The following XKR9 variants were observed in gnomAD, a reference collection of about 807,000 sequenced individuals.
XKR9 encodes XK related 9, also known as XK-related protein 9.
In XKR9, 32 loss-of-function variants were observed where a neutral mutation model predicts 32.0. The observed-to-expected ratio is 1.00, with a 90% CI of 0.76 to 1.34. XKR9 has a LOEUF of 1.34. Ranked by LOEUF, XKR9 falls within the 40% of genes most tolerant of loss-of-function variation. The pLI is 0.00. For missense variants in XKR9, 546 were observed against 429.7 expected (o/e 1.27, Z -2.39); for synonymous variants, 168 against 143.4 (o/e 1.17, Z -1.22).
the XKR9 span, among the ~76,000 whole-genome samples, chr8:70,967,753 A>G: frequency 3.6e-4 from 55 of 152,092 alleles, no homozygotes; most frequent in African/African-American, 1.3e-3. Context: ...AAGAATGTTG[A>G]ATATTGGCTC....
chr8:70,704,648 T>C (rs940629158), intron 3 of XKR9, among the ~76,000 whole-genome samples: 1 of 152,176 alleles, frequency 6.6e-6, no homozygotes, highest in Non-Finnish European at 1.5e-5. Context: ...CTGCTACCTC[T>C]CTCAATTTCT....
the XKR9 span, among the ~76,000 whole-genome samples, chr8:70,926,523 A>G: frequency 6.6e-6 from 1 of 152,236 alleles, no homozygotes; most frequent in African/African-American, 2.4e-5. Context: ...TTATGATGCT[A>G]TAAAAGGATA....
the XKR9 span, among the ~76,000 whole-genome samples, chr8:70,995,918 C>A: frequency 6.6e-6 from 1 of 152,188 alleles, no homozygotes; most frequent in African/African-American, 2.4e-5. Flanking sequence ...TCTCACTATG[C>A]CAGCCCTCAA....
chr8:70,842,170 TTC>T, the XKR9 span, among the ~76,000 whole-genome samples: 1 of 152,170 alleles, frequency 6.6e-6, no homozygotes, highest in Non-Finnish European at 1.5e-5. Flanking sequence ...ACTCATGGAT[TTC>T]TGTTTTATTT....
intron 2 of XKR9, among the ~76,000 whole-genome samples, chr8:70,747,450 G>C (rs761838130): frequency 1.3e-5 from 2 of 152,162 alleles, no homozygotes; most frequent in Non-Finnish European, 2.9e-5. Flanking sequence ...GAGTGGTACT[G>C]GTGGCTTTTT....
the XKR9 span, among the ~76,000 whole-genome samples, chr8:70,982,668 T>A: frequency 6.6e-6 from 1 of 152,180 alleles, no homozygotes; most frequent in Non-Finnish European, 1.5e-5. Context: ...TCAGGAAGCC[T>A]GCAGTGGTGA....
At chr8:70,845,945 A>G in the XKR9 span, among the ~76,000 whole-genome samples, 3 of 152,218 alleles carry the variant, frequency 2.0e-5, no homozygotes, top group East Asian at 5.8e-4. Flanking sequence ...AATTATAAGA[A>G]GCTTACAGAT....
chr8:70,774,430 A>G (rs956176743), intron 2 of XKR9, among the ~76,000 whole-genome samples: 1 of 152,122 alleles, frequency 6.6e-6, no homozygotes, highest in Non-Finnish European at 1.5e-5. Context: ...GGGACTAGCC[A>G]CTGCACCTCG....
At chr8:70,711,815 A>G (rs1187924258) in intron 4 of XKR9, among the ~76,000 whole-genome samples, 1 of 84,078 alleles carries the variant, frequency 1.2e-5, no homozygotes, top group Non-Finnish European at 3.1e-5. Context: ...AACAATAGAC[A>G]TCAGGGCTTA....
At chr8:70,778,977 A>G (rs947348282) in intron 2 of XKR9, among the ~76,000 whole-genome samples, 2 of 152,156 alleles carry the variant, frequency 1.3e-5, no homozygotes, top group African/African-American at 4.8e-5. Flanking sequence ...CAGAACTTCC[A>G]ACACTATGTT....
At chr8:70,750,311 C>G (rs1807120916) in intron 2 of XKR9, among the ~76,000 whole-genome samples, 1 of 152,150 alleles carries the variant, frequency 6.6e-6, no homozygotes, top group Non-Finnish European at 1.5e-5. Flanking sequence ...GTTACTTTTT[C>G]TGAGCTCCTA....
At chr8:71,016,296 C>A in the XKR9 span, among the ~76,000 whole-genome samples, 11 of 152,014 alleles carry the variant, frequency 7.2e-5, no homozygotes, top group Non-Finnish European at 1.5e-5. Context: ...TCAATCAATG[C>A]AAGCAATGGC....
At chr8:70,993,601 T>TACTTCCTTCCTTCCTTC in the XKR9 span, among the ~76,000 whole-genome samples, 1 of 105,124 alleles carries the variant, frequency 9.5e-6, no homozygotes, top group African/African-American at 3.2e-5. Context: ...TCATAGGACA[T>TACTTCCTTCCTTCCTTC]CTTCCTTCCT....
intron 2 of XKR9, among the ~76,000 whole-genome samples, chr8:70,751,493 T>C (rs903934367): frequency 6.6e-6 from 1 of 152,140 alleles, no homozygotes; most frequent in Admixed American, 6.5e-5. Context: ...TAAAGCATTA[T>C]TTCTGGGTGT....
intron 2 of XKR9, among the ~76,000 whole-genome samples, chr8:70,786,961 A>G (rs1439197261): frequency 1.3e-5 from 2 of 152,096 alleles, no homozygotes; most frequent in Non-Finnish European, 2.9e-5. Context: ...TGTGGTTACC[A>G]AAATGTGTTT....
chr8:70,993,918 C>T, the XKR9 span, among the ~76,000 whole-genome samples: 1 of 152,096 alleles, frequency 6.6e-6, no homozygotes, highest in Non-Finnish European at 1.5e-5. Context: ...AAAAAGATGG[C>T]TTTTCCAAGC....
At chr8:70,814,620 A>G in the XKR9 span, among the ~76,000 whole-genome samples, 25 of 152,314 alleles carry the variant, frequency 1.6e-4, no homozygotes, top group Non-Finnish European at 1.9e-4. Context: ...CATATATGAC[A>G]AAACCATTGC....
chr8:70,984,265 T>C, the XKR9 span, among the ~76,000 whole-genome samples: 5 of 152,090 alleles, frequency 3.3e-5, no homozygotes, highest in Admixed American at 1.3e-4. Flanking sequence ...GCAATTCTGC[T>C]GTCTGCAGGT....
intron 3 of XKR9, among the ~76,000 whole-genome samples, chr8:70,699,121 G>A (rs1024954983): frequency 7.9e-5 from 12 of 152,254 alleles, no homozygotes; most frequent in South Asian, 2.1e-4. Flanking sequence ...ACACTGATGG[G>A]TCTTGACTCT....
Sources: allele counts gnomAD v4.1 joint callset (sites outside exome capture counted in the v4.1 genomes callset), GRCh38; gene constraint gnomAD v4.1.1; transcripts MANE v1.5; gene names NCBI Gene and HGNC (gene_info 2026-07-23, HGNC 2026-07-21).